The following GAS2 variants were observed in gnomAD, a reference collection of about 807,000 sequenced individuals.
GAS2 encodes growth arrest-specific protein 2.
In GAS2, 20 loss-of-function variants were observed where a neutral mutation model predicts 37.5. The observed-to-expected ratio is 0.53, with a 90% CI of 0.37 to 0.77. GAS2 has a LOEUF of 0.77. Ranked by LOEUF, GAS2 falls within the 30% of genes least tolerant of loss-of-function variation. The pLI is 0.00. For missense variants in GAS2, 336 were observed against 373.4 expected, an observed-to-expected ratio of 0.90 and a Z score of 0.82; for synonymous variants, 144 against 132.2, an observed-to-expected ratio of 1.09 and a Z score of -0.61.
At chr11:22,647,118 T>C (rs1453802189) in intron 1 of GAS2, among the ~76,000 whole-genome samples, 2 of 130,528 alleles carry the variant, frequency 1.5e-5, no homozygotes, top group Non-Finnish European at 3.1e-5. Context: ...TTCCCCTTCC[T>C]GTGTCCATGT....
chr11:22,741,917 A>G (rs938017805), intron 5 of GAS2, among the ~76,000 whole-genome samples: 1 of 152,150 alleles, frequency 6.6e-6, no homozygotes, highest in African/African-American at 2.4e-5. Context: ...AACCCTAGTA[A>G]AATAGGATCC....
intron 3 of GAS2, among the ~76,000 whole-genome samples, chr11:22,718,258 C>CAT (rs771925337): frequency 7.0e-4 from 104 of 149,588 alleles, no homozygotes; most frequent in Middle Eastern, 6.8e-3. Context: ...GAAAATGTGT[C>CAT]ATATATATAT....
intron 2 of GAS2, among the ~76,000 whole-genome samples, chr11:22,685,318 G>T (rs1338317350): frequency 6.6e-6 from 1 of 152,200 alleles, no homozygotes; most frequent in African/African-American, 2.4e-5. Context: ...AGGCCAAATT[G>T]TGAAATCACT....
chr11:22,760,880 C>T (rs12289982), intron 7 of GAS2, among the ~76,000 whole-genome samples: 56,745 of 151,946 alleles, frequency 0.37, 10,619 homozygotes, highest in East Asian at 0.56. Flanking sequence ...TAAAAGCCCT[C>T]TGAAAGTTGT....
At chr11:22,737,568 A>T in intron 4 of GAS2, 137 bp from the exon 5 acceptor site, 1 of 754,752 alleles carries the variant, frequency 1.3e-6, no homozygotes, top group South Asian at 1.6e-5. Flanking sequence ...GAGGTATGGG[A>T]TGGGTTCTAT....
intron 1 of GAS2, among the ~76,000 whole-genome samples, chr11:22,631,373 G>A (rs1406804713): frequency 6.6e-6 from 1 of 152,074 alleles, no homozygotes; most frequent in Non-Finnish European, 1.5e-5. Flanking sequence ...CCGATGCTGT[G>A]TTGAATAGAA....
At chr11:22,783,752 G>A (rs921938407) in intron 7 of GAS2, among the ~76,000 whole-genome samples, 3 of 152,082 alleles carry the variant, frequency 2.0e-5, no homozygotes, top group African/African-American at 7.2e-5. Flanking sequence ...ATATTTCCTA[G>A]GTTTTCTTGT....
chr11:22,726,204 C>T lies in GAS2; in HGVS notation c.268-88C>T, dbSNP rs1386211973. 2.1e-5 allele frequency: 28 copies of T among 1,358,402 alleles called. No individual in the cohort carries two copies. The East Asian group carries it at 2.1e-4, about 10-fold the overall frequency. 84.1% of individuals were successfully genotyped at this position (1,358,402 alleles called of 1,614,324 possible). ...CCTACTTATTGGCATGAGGTAATTC[C>T]GAAGCATTTTGTTGAAAACATGTTT... On this transcript the variant is annotated intron_variant, in intron 3 of 7. Coordinates refer to ENST00000454584, the MANE Select transcript of GAS2 (RefSeq NM_001143830.3).
intron 7 of GAS2, among the ~76,000 whole-genome samples, chr11:22,789,623 G>A (rs1590133874): frequency 6.8e-6 from 1 of 147,284 alleles, no homozygotes. Context: ...CACCATACCC[G>A]GCTAGTTTTT....
chr11:22,636,359 C>CG (rs748603912), intron 1 of GAS2, among the ~76,000 whole-genome samples: 2 of 152,122 alleles, frequency 1.3e-5, no homozygotes, highest in Non-Finnish European at 2.9e-5. Flanking sequence ...ACCTACCTCA[C>CG]GGGCCCTGGT....
Position 22,811,977 on chromosome 11 carries a change from G to A in GAS2, c.903G>A (p.Val301=), listed in dbSNP as rs1339016679. 3 of 1,613,932 alleles carry A rather than the reference G, an allele frequency of 1.9e-6. No individual in the cohort carries two copies. The highest frequency in any genetic ancestry group is 1.7e-6 in the Non-Finnish European group (2 of 1,180,002). The change falls in exon 8 of 8, where the codon GTG becomes GTA. Residue 301 remains valine, a synonymous_variant. Transcript: ENST00000454584. ...LKDMNPDNYL[V]VSASYKAKKE... is the part of the protein sequence containing the mutation. ...ACATGAATCCAGATAACTACTTGGT[G>A]GTCTCTGCCAGTTATAAGGCTAAGA...
chr11:22,694,163 ATAAAAGT>A (rs2133984583), intron 3 of GAS2, among the ~76,000 whole-genome samples: 1 of 152,262 alleles, frequency 6.6e-6, no homozygotes, highest in Non-Finnish European at 1.5e-5. Context: ...TGAACTTAAA[ATAAAAGT>A]TAAAAAAATA....
At chr11:22,778,818 G>C (rs968770449) in intron 7 of GAS2, among the ~76,000 whole-genome samples, 5 of 152,132 alleles carry the variant, frequency 3.3e-5, no homozygotes, top group Non-Finnish European at 5.9e-5. Context: ...GTGTATGTGT[G>C]CATTTGTTCT....
intron 7 of GAS2, among the ~76,000 whole-genome samples, chr11:22,761,202 GT>G (rs573514620): frequency 6.6e-6 from 1 of 152,036 alleles, no homozygotes; most frequent in South Asian, 2.1e-4. Flanking sequence ...TACGTACTCA[GT>G]TTTTTCTCTA....
rs773950286 is a variant in GAS2, at chr11:22,811,893, G to A, written c.819G>A (p.Gln273=). The A allele has an allele frequency of 2.0e-5, 33 of 1,614,060 alleles. No individual in the cohort carries two copies. The highest frequency in any genetic ancestry group is 1.0e-4 in the Admixed American group (6 of 59,996). The change falls in exon 8 of 8, where the codon CAG becomes CAA. Residue 273 remains glutamine, a synonymous_variant. Coordinates refer to ENST00000454584, the MANE Select transcript of GAS2 (RefSeq NM_001143830.3). ...LLKHDPCRML[Q]ISRVDGKTSP... ...AACACGACCCCTGCCGAATGCTGCAGATCTCCCGTGTGGATGGCAAAACAT... is the reference window on the plus strand; with the variant it reads ...AACACGACCCCTGCCGAATGCTGCAAATCTCCCGTGTGGATGGCAAAACAT...
At chr11:22,791,775 C>T (rs1428685208) in intron 7 of GAS2, among the ~76,000 whole-genome samples, 3 of 152,104 alleles carry the variant, frequency 2.0e-5, no homozygotes, top group Non-Finnish European at 4.4e-5. Context: ...ATAGATAAGG[C>T]GATGACTTCA....
At chr11:22,788,225 A>T (rs1400572186) in intron 7 of GAS2, among the ~76,000 whole-genome samples, 2 of 152,262 alleles carry the variant, frequency 1.3e-5, no homozygotes, top group African/African-American at 4.8e-5. Flanking sequence ...GCCAAGAGAC[A>T]TGAGAAACAA....
At chr11:22,721,749 A>G (rs1851959931) in intron 3 of GAS2, among the ~76,000 whole-genome samples, 5 of 152,104 alleles carry the variant, frequency 3.3e-5, no homozygotes. Context: ...AGAAAGTTAT[A>G]TTAGAAAACT....
intron 3 of GAS2, among the ~76,000 whole-genome samples, chr11:22,703,177 T>G (rs1311454850): frequency 6.6e-6 from 1 of 152,146 alleles, no homozygotes; most frequent in Non-Finnish European, 1.5e-5. Context: ...CCCTTGAGCA[T>G]GAAAGTAAAC....
Sources: allele counts gnomAD v4.1 joint callset (sites outside exome capture counted in the v4.1 genomes callset), GRCh38; gene constraint gnomAD v4.1.1; transcripts MANE v1.5; gene names NCBI Gene and HGNC (gene_info 2026-07-23, HGNC 2026-07-21).